EPRS1: variants seen among roughly 807,000 people sequenced by gnomAD.
EPRS1 encodes glutamyl-prolyl-tRNA synthetase 1.
EPRS1 carries 107 observed loss-of-function variants against 188.3 expected under a neutral mutation model. The ratio of observed to expected loss-of-function variants is 0.57; its 90% CI spans 0.49 to 0.67. The LOEUF (loss-of-function observed/expected upper bound fraction) is 0.67. Among genes scored for constraint, EPRS1 ranks in the 30% least tolerant of loss-of-function variants. The probability of loss-of-function intolerance (pLI) is 0.00; values close to 1 mark genes in which losing one functional copy is unlikely to be tolerated. For synonymous variants in EPRS1, 596 were observed against 593.1 expected (o/e 1.00, Z -0.07); for missense variants, 1,577 against 1,802.2 (o/e 0.88, Z 2.26).
At chr1:219,975,119 C>A (rs1177083779) in intron 28 of EPRS1, among the ~76,000 whole-genome samples, 1 of 152,122 alleles carries the variant, frequency 6.6e-6, no homozygotes, top group Non-Finnish European at 1.5e-5. Context: ...TGGCAAAATG[C>A]AATAGGACTG....
At chr1:220,027,687 A>G (rs1382006874) in intron 6 of EPRS1, among the ~76,000 whole-genome samples, 3 of 151,832 alleles carry the variant, frequency 2.0e-5, no homozygotes, top group Non-Finnish European at 2.9e-5. Context: ...TTATACATAT[A>G]ATAAAGGGCT....
At chr1:220,036,967 A>T (rs1662193388) in intron 2 of EPRS1, among the ~76,000 whole-genome samples, 1 of 152,182 alleles carries the variant, frequency 6.6e-6, no homozygotes, top group African/African-American at 2.4e-5. Flanking sequence ...AGCCAAAATT[A>T]AAAACCTCAA....
intron 4 of EPRS1, 100 bp from the exon 5 acceptor site, chr1:220,032,626 G>T: frequency 1.7e-6 from 2 of 1,201,476 alleles, no homozygotes; most frequent in Non-Finnish European, 2.4e-6. Context: ...GCTTAAAGTT[G>T]TGCTTCTAAA....
At chr1:220,018,020 CT>C in intron 12 of EPRS1, 1 of 566,930 alleles carries the variant, frequency 1.8e-6, no homozygotes, top group South Asian at 1.7e-5. Flanking sequence ...ATAAGCAAGT[CT>C]TTTATATAAA....
intron 17 of EPRS1, among the ~76,000 whole-genome samples, chr1:219,997,893 T>C (rs1230298997): frequency 6.6e-6 from 1 of 152,202 alleles, no homozygotes; most frequent in Non-Finnish European, 1.5e-5. Context: ...AAGAGCTCCA[T>C]CAAACTCTGT....
rs573326572 is a variant in EPRS1 at position 220,034,789 on chromosome 1, T to C, written c.231+125A>G. 175 of 692,308 alleles carry C rather than the reference T, an allele frequency of 2.5e-4. 2 individuals are homozygous for C. The South Asian group carries it at 2.8e-3, about 11-fold the overall frequency. 42.9% of individuals were successfully genotyped at this position (692,308 alleles called of 1,614,324 possible). On this transcript the variant is annotated intron_variant, in intron 3 of 31. Transcript: ENST00000366923. ...GATGAGCATTCTGTACCTTGGTCTA[T>C]ATAATTAACACTCTGTTAATATCCT...
chr1:220,040,707 G>A lies in EPRS1; in HGVS notation c.47-438C>T, dbSNP rs555534894. On this transcript the variant is annotated intron_variant, in intron 1 of 31. Transcript: ENST00000366923. ...CTCTACTAAAAATACAAAATTAGCC[G>A]GTCATGGTGGCGCATGCCTGTAACC... Among the ~76,000 whole-genome samples, 8 of 151,922 alleles carry A rather than the reference G, an allele frequency of 5.3e-5. No individual in the cohort carries two copies. The East Asian group carries it at 9.7e-4, about 18-fold the overall frequency.
chr1:220,029,021 C>G (rs1406386470), intron 6 of EPRS1, among the ~76,000 whole-genome samples: 1 of 152,030 alleles, frequency 6.6e-6, no homozygotes, highest in Non-Finnish European at 1.5e-5. Flanking sequence ...ATGGGGAACT[C>G]ACTATTCCCA....
chr1:220,022,623 AC>A (rs1661899310), intron 8 of EPRS1, 105 bp from the exon 9 acceptor site: 1 of 925,964 alleles, frequency 1.1e-6, no homozygotes, highest in Non-Finnish European at 1.6e-6. Context: ...TTTTATAACC[AC>A]CCTGTGTTAG....
intron 18 of EPRS1, 110 bp from the exon 19 acceptor site, chr1:219,988,933 A>C (rs1451318652): frequency 1.5e-6 from 1 of 647,442 alleles, no homozygotes; most frequent in Admixed American, 3.0e-5. Flanking sequence ...TAAGTTAATC[A>C]TGGGGAAACC....
In EPRS1 at chr1:220,039,304, A is replaced by G. The variant is rs541021840; in HGVS notation, c.131+881T>C. Among the ~76,000 whole-genome samples, 3 of 152,262 alleles carry G rather than the reference A, an allele frequency of 2.0e-5. No homozygotes were observed. In the South Asian group the frequency reaches 6.2e-4, roughly 32 times the overall value. ...CTCATTTCTGGGAGTAGGCCAGTCC[A>G]ATTAAATAACCCTGCCTCATTTCAG... On this transcript the variant is annotated intron_variant, in intron 2 of 31. Coordinates refer to ENST00000366923, the MANE Select transcript of EPRS1 (RefSeq NM_004446.3).
chr1:219,987,931 AT>A (rs1241144729), intron 19 of EPRS1, among the ~76,000 whole-genome samples: 2 of 152,212 alleles, frequency 1.3e-5, no homozygotes, highest in Non-Finnish European at 1.5e-5. Flanking sequence ...GTTATAGCAT[AT>A]TTCCATCACT....
intron 1 of EPRS1, among the ~76,000 whole-genome samples, chr1:220,045,291 G>A (rs145819938): frequency 2.6e-5 from 4 of 152,318 alleles, no homozygotes; most frequent in African/African-American, 9.6e-5. Context: ...GAGCCCAGGA[G>A]TTTGAGACCT....
intron 16 of EPRS1, among the ~76,000 whole-genome samples, chr1:220,003,379 T>G (rs2647424): frequency 0.8 from 121,495 of 151,628 alleles, 48,832 homozygotes; most frequent in East Asian, 0.93. Flanking sequence ...ATCTTTTCAC[T>G]TTCTTTGAAA....
At chr1:220,027,694 G>A (rs989272255) in intron 6 of EPRS1, among the ~76,000 whole-genome samples, 68 of 151,346 alleles carry the variant, frequency 4.5e-4, no homozygotes, top group Admixed American at 4.2e-3. Context: ...TATAATAAAG[G>A]GCTGTACGCC....
chr1:219,980,314 C>T (rs546954085), intron 25 of EPRS1, 74 bp from the exon 26 acceptor site: 2 of 1,132,334 alleles, frequency 1.8e-6, no homozygotes, highest in East Asian at 2.4e-5. Flanking sequence ...AACTGCACTA[C>T]TTAAGACTAA....
chr1:220,042,181 C>CCAA (rs1662308700), intron 1 of EPRS1, among the ~76,000 whole-genome samples: 1 of 62,666 alleles, frequency 1.6e-5, no homozygotes, highest in African/African-American at 5.2e-5. Context: ...ACTCCGTCCC[C>CCAA]AAAAAAAAAA....
intron 28 of EPRS1, among the ~76,000 whole-genome samples, chr1:219,978,260 T>A (rs1189684807): frequency 6.6e-6 from 1 of 152,218 alleles, no homozygotes; most frequent in Non-Finnish European, 1.5e-5. Flanking sequence ...CATAAACATT[T>A]TAGTATACTA....
At chr1:219,974,991 G>A (rs542442434) in intron 28 of EPRS1, among the ~76,000 whole-genome samples, 10 of 152,074 alleles carry the variant, frequency 6.6e-5, no homozygotes, top group Admixed American at 5.2e-4. Flanking sequence ...TAAATTATTC[G>A]TCCGAATTAA....
Sources: gnomAD v4.1 joint callset for allele counts (sites outside exome capture counted in the v4.1 genomes callset) on GRCh38, gnomAD v4.1.1 for gene constraint, MANE v1.5 for transcripts, NCBI Gene and HGNC (gene_info 2026-07-23, HGNC 2026-07-21) for gene names.